PTPRE: variants seen among roughly 807,000 people sequenced by gnomAD.
PTPRE encodes receptor-type tyrosine-protein phosphatase epsilon.
A neutral mutation model predicts 102.0 loss-of-function variants in PTPRE; 51 were observed. That is an observed-to-expected ratio of 0.50 (90% confidence interval 0.40 to 0.63). The LOEUF (loss-of-function observed/expected upper bound fraction) is 0.63, where lower values mean the gene tolerates loss of function less well. Among genes scored for constraint, PTPRE ranks in the 30% least tolerant of loss-of-function variants. PTPRE has a pLI of 0.00. For missense variants in PTPRE, 752 were observed against 915.1 expected, an observed-to-expected ratio of 0.82 and a Z score of 2.30; for synonymous variants, 345 against 348.2, an observed-to-expected ratio of 0.99 and a Z score of 0.10.
In PTPRE at chr10:128,084,029, AAGAG is replaced by A. The variant is rs5788891; in HGVS notation, c.*1125_*1128del. On this transcript the variant is annotated 3_prime_UTR_variant, in exon 21 of 21. Transcript: ENST00000254667. ...ACCTTTCAATGTTTAATAAAACAAA[AAGAG>A]AAATCCTTAATCTAAAAGCTAAATT... The A allele has an allele frequency of 6.6e-6, 1 of 151,968 alleles. No individual in the cohort carries two copies. Among genetic ancestry groups the A allele is most frequent in the African/African-American group, 2.4e-5 (1 of 41,390 alleles). The allele number at this position is 151,968 out of a possible 1,614,324, so 9.4% of individuals were successfully genotyped here.
At chr10:127,981,296 G>A (rs929288598) in intron 1 of PTPRE, among the ~76,000 whole-genome samples, 14 of 152,208 alleles carry the variant, frequency 9.2e-5, no homozygotes, top group African/African-American at 3.4e-4. Context: ...GGTGTTGCCA[G>A]GGGCTGGGGA....
chr10:128,036,584 C>T (rs1847238356), intron 2 of PTPRE, among the ~76,000 whole-genome samples: 1 of 152,052 alleles, frequency 6.6e-6, no homozygotes, highest in Non-Finnish European at 1.5e-5. Flanking sequence ...CCCCATTGTC[C>T]TTGTCTCAGC....
At chr10:128,079,200 G>T (rs1016984511) in intron 19 of PTPRE, among the ~76,000 whole-genome samples, 1 of 152,124 alleles carries the variant, frequency 6.6e-6, no homozygotes, top group Admixed American at 6.5e-5. Flanking sequence ...TTGCATTTCT[G>T]GCAAGTTCCC....
intron 10 of PTPRE, among the ~76,000 whole-genome samples, chr10:128,063,947 A>C (rs776619945): frequency 1.4e-4 from 22 of 152,290 alleles, no homozygotes; most frequent in Non-Finnish European, 2.1e-4. Flanking sequence ...AGGTGGGGCG[A>C]AGTTAGGAGG....
chr10:128,061,785 C>A, intron 9 of PTPRE, 70 bp downstream of exon 9: 1 of 1,514,598 alleles, frequency 6.6e-7, no homozygotes, highest in South Asian at 1.2e-5. Flanking sequence ...TCTCTGTATG[C>A]CAACAAGACC....
At chr10:127,934,183 T>C (rs1409445311) in intron 1 of PTPRE, 1 of 152,136 alleles carries the variant, frequency 6.6e-6, no homozygotes, top group East Asian at 1.9e-4. Context: ...TTCCCTTTTT[T>C]CTTTGCACTA....
intron 19 of PTPRE, 63 bp from the exon 20 acceptor site, chr10:128,079,497 C>G (rs1851517217): frequency 6.3e-7 from 1 of 1,575,032 alleles, no homozygotes; most frequent in Non-Finnish European, 8.6e-7. Context: ...TGGCTGTCAG[C>G]TCTCCATTTC....
chr10:128,045,899 C>T (rs1024216424), intron 3 of PTPRE, among the ~76,000 whole-genome samples: 4 of 151,930 alleles, frequency 2.6e-5, no homozygotes, highest in African/African-American at 9.7e-5. Flanking sequence ...AGAGGACAGC[C>T]AGGCTGCCAG....
chr10:127,952,414 A>G (rs779436250), intron 1 of PTPRE, among the ~76,000 whole-genome samples: 4 of 151,382 alleles, frequency 2.6e-5, no homozygotes, highest in African/African-American at 7.3e-5. Context: ...CCTGCAAAAT[A>G]GCTCCCTTTT....
intron 7 of PTPRE, among the ~76,000 whole-genome samples, chr10:128,057,030 A>C (rs957422597): frequency 2.0e-5 from 3 of 152,092 alleles, no homozygotes; most frequent in Non-Finnish European, 4.4e-5. Context: ...AGCCTGGCCA[A>C]GATGGTGAAA....
intron 2 of PTPRE, among the ~76,000 whole-genome samples, chr10:128,023,903 C>T (rs1209283172): frequency 2.0e-5 from 3 of 152,232 alleles, no homozygotes; most frequent in Non-Finnish European, 4.4e-5. Flanking sequence ...CTATCCCAAA[C>T]ACAATTATCT....
At chr10:127,923,966 G>A (rs1407054301) in intron 1 of PTPRE, among the ~76,000 whole-genome samples, 1 of 152,108 alleles carries the variant, frequency 6.6e-6, no homozygotes, top group African/African-American at 2.4e-5. Flanking sequence ...GCTTAAGCTG[G>A]AAAATATCCA....
At chr10:128,049,416 T>C in intron 5 of PTPRE, 114 bp from the exon 6 acceptor site, 2 of 1,343,286 alleles carry the variant, frequency 1.5e-6, no homozygotes, top group Non-Finnish European at 1.0e-6. Flanking sequence ...TTGAGAGAAC[T>C]GTTCCAGCTC....
chr10:127,992,155 G>T (rs1216398849), intron 2 of PTPRE, among the ~76,000 whole-genome samples: 1 of 152,158 alleles, frequency 6.6e-6, no homozygotes, highest in African/African-American at 2.4e-5. Context: ...AGAGGGGTGA[G>T]AAAGGGAGGC....
intron 2 of PTPRE, among the ~76,000 whole-genome samples, chr10:128,033,644 TTTAC>T (rs2135755398): frequency 6.6e-6 from 1 of 152,332 alleles, no homozygotes; most frequent in Non-Finnish European, 1.5e-5. Flanking sequence ...ACATCATTTA[TTTAC>T]TTATTTATTT....
chr10:127,918,573 A>AAAAAAAAAAAAAG (rs1454404446), intron 1 of PTPRE, among the ~76,000 whole-genome samples: 20 of 151,918 alleles, frequency 1.3e-4, no homozygotes, highest in African/African-American at 4.1e-4. Flanking sequence ...AAAAAAAAAA[A>AAAAAAAAAAAAAG]AGAGAGAAAA....
rs1034735226 is a variant in PTPRE, at chr10:128,085,231, G to A, written c.*2325G>A. On this transcript the variant is annotated 3_prime_UTR_variant, in exon 21 of 21. Coordinates refer to ENST00000254667, the MANE Select transcript of PTPRE (RefSeq NM_006504.6). Reference sequence around the variant, plus strand: ...GGGCCTTGGAGCACCTCACGCTGGGGGAATCAATCCCTGAGGGACTCAGAA... The same window carrying A: ...GGGCCTTGGAGCACCTCACGCTGGGAGAATCAATCCCTGAGGGACTCAGAA... The A allele has an allele frequency of 7.9e-6, 3 of 379,016 alleles. No individual in the cohort carries two copies. Among genetic ancestry groups the A allele is most frequent in the Non-Finnish European group, 1.6e-5 (3 of 186,598 alleles). 23.5% of individuals were successfully genotyped at this position (379,016 alleles called of 1,614,324 possible).
chr10:127,967,970 A>G (rs1850384819), intron 1 of PTPRE, among the ~76,000 whole-genome samples: 1 of 151,916 alleles, frequency 6.6e-6, no homozygotes, highest in Non-Finnish European at 1.5e-5. Context: ...CAATGAATCT[A>G]AATGACTTGG....
At chr10:127,915,550 G>T (rs1564793250) in intron 1 of PTPRE, among the ~76,000 whole-genome samples, 1 of 152,190 alleles carries the variant, frequency 6.6e-6, no homozygotes, top group Non-Finnish European at 1.5e-5. Flanking sequence ...TACTGGAGAT[G>T]TTATCAGTCT....
Sources: gnomAD v4.1 joint callset for allele counts (sites outside exome capture counted in the v4.1 genomes callset) on GRCh38, gnomAD v4.1.1 for gene constraint, MANE v1.5 for transcripts, NCBI Gene and HGNC (gene_info 2026-07-23, HGNC 2026-07-21) for gene names.